The following SNX25 variants were observed in gnomAD, a reference collection of about 807,000 sequenced individuals.
The protein encoded by SNX25 is sorting nexin 25.
SNX25 carries 62 observed loss-of-function variants against 113.7 expected under a neutral mutation model. That is an observed-to-expected ratio of 0.55 (90% CI 0.44 to 0.67). The LOEUF is 0.67. SNX25 is among the 30% of genes least tolerant of loss of function. The pLI is 0.00. For missense variants in SNX25, 1,014 were observed against 1,161.0 expected (o/e 0.87, Z 1.84); for synonymous variants, 421 against 436.2 (o/e 0.97, Z 0.43).
In SNX25 at chr4:185,331,884, C is replaced by A. The variant is rs117284899; in HGVS notation, c.1750-711C>A. Among the ~76,000 whole-genome samples, 942 of 152,234 alleles carry A rather than the reference C, an allele frequency of 6.2e-3. 14 individuals are homozygous for A. The highest frequency in any genetic ancestry group is 0.049 in the South Asian group (238 of 4,824). On this transcript the variant is annotated intron_variant, in intron 9 of 18. Transcript: ENST00000652585. The stretch of plus-strand genomic sequence containing the variant: ...TTTAATTTACTGTTTGTTACAATTA[C>A]GAAAAGCTGGAACAAGAAAACCTGG...
intron 5 of SNX25, among the ~76,000 whole-genome samples, chr4:185,283,604 C>A (rs1169645416): frequency 6.6e-6 from 1 of 151,814 alleles, no homozygotes; most frequent in Non-Finnish European, 1.5e-5. Context: ...TAAGTATTAA[C>A]CTATATTGTA....
intron 7 of SNX25, among the ~76,000 whole-genome samples, chr4:185,311,455 A>G (rs1396872891): frequency 1.3e-5 from 2 of 152,206 alleles, no homozygotes; most frequent in Non-Finnish European, 2.9e-5. Context: ...GCCCTACCTC[A>G]GTACCTGTCC....
chr4:185,338,010 A>G (rs2095240625), intron 10 of SNX25, among the ~76,000 whole-genome samples: 1 of 152,104 alleles, frequency 6.6e-6, no homozygotes, highest in South Asian at 2.1e-4. Context: ...GCATTTTTAA[A>G]TTGGGTTGTT....
At chr4:185,316,655 C>T (rs1031417760) in intron 7 of SNX25, among the ~76,000 whole-genome samples, 1 of 152,138 alleles carries the variant, frequency 6.6e-6, no homozygotes, top group Non-Finnish European at 1.5e-5. Context: ...TTCTTTAAGG[C>T]CAATTTACAT....
rs1313487102 is a variant in SNX25 at position 185,232,431 on chromosome 4, T to G, written c.430-14863T>G. On this transcript the variant is annotated intron_variant, in intron 1 of 18. Transcript: ENST00000652585. This position sits in a 1 kb window ranked among gnomAD's most constrained non-coding sequence, Gnocchi z 4.4. ...TTCCCTTTTATGGGCCGACCCCTCC[T>G]CTGCATCCTGTTTGCTTATCATGAC... is the stretch of plus-strand genomic sequence containing the variant. 2.6e-5 allele frequency among the ~76,000 whole-genome samples: 4 copies of G among 152,190 alleles called. No homozygotes were observed. Among genetic ancestry groups the G allele is most frequent in the African/African-American group, 9.7e-5 (4 of 41,446 alleles).
intron 12 of SNX25, among the ~76,000 whole-genome samples, chr4:185,343,433 C>G (rs920577339): frequency 6.6e-6 from 1 of 152,090 alleles, no homozygotes; most frequent in South Asian, 2.1e-4. Context: ...TATGTATGTG[C>G]ATTATGGATT....
intron 3 of SNX25, among the ~76,000 whole-genome samples, chr4:185,264,225 T>C (rs559253831): frequency 1.3e-5 from 2 of 152,342 alleles, no homozygotes; most frequent in Admixed American, 6.5e-5. Context: ...TTCGTTGTTA[T>C]GATTTCATTT....
intron 15 of SNX25, among the ~76,000 whole-genome samples, chr4:185,354,776 CA>C (rs2095331739): frequency 6.6e-6 from 1 of 152,248 alleles, no homozygotes; most frequent in African/African-American, 2.4e-5. Flanking sequence ...CAGCTCCCAA[CA>C]CTCTAAATCT....
At chr4:185,259,176 T>A in intron 3 of SNX25, 112 bp downstream of exon 3, 1 of 877,442 alleles carries the variant, frequency 1.1e-6, no homozygotes, top group Non-Finnish European at 1.7e-6. Flanking sequence ...TGGCACTTGC[T>A]TGAAAATGTA....
At chr4:185,264,327 G>A in intron 3 of SNX25, 111 bp from the exon 4 acceptor site, 1 of 1,017,084 alleles carries the variant, frequency 9.8e-7, no homozygotes, top group Admixed American at 2.4e-5. Flanking sequence ...TTTAGGAGAT[G>A]GCAGTTACTA....
chr4:185,219,010 T>C (rs1427096474), intron 1 of SNX25, among the ~76,000 whole-genome samples: 4 of 152,134 alleles, frequency 2.6e-5, no homozygotes, highest in Non-Finnish European at 5.9e-5. Flanking sequence ...TCCCATGTAT[T>C]TGGGGATAAT....
rs1326902850 is a variant in SNX25, at chr4:185,209,812, G to T, written c.-15G>T. Reference sequence around the variant, plus strand: ...GGCAGGAGATGTGCCTGTCCTTAGCGGCCCAGGAAGCAGCATGCACCCCGA... The same window carrying T: ...GGCAGGAGATGTGCCTGTCCTTAGCTGCCCAGGAAGCAGCATGCACCCCGA... On this transcript the variant is annotated 5_prime_UTR_variant, in exon 1 of 19. Coordinates refer to ENST00000652585, the MANE Select transcript of SNX25 (RefSeq NM_001378034.2). The surrounding 1 kb of genome is among the most constrained non-coding windows in gnomAD (Gnocchi z 5.2). 1 of 983,614 alleles carries T rather than the reference G, an allele frequency of 1.0e-6. No individual in the cohort carries two copies. The highest frequency in any genetic ancestry group is 1.2e-6 in the Non-Finnish European group (1 of 829,328). 60.9% of individuals were successfully genotyped at this position (983,614 alleles called of 1,614,324 possible). A position where few individuals can be genotyped will look rare whatever the true frequency, so the allele number is the denominator to read the frequency against.
chr4:185,241,572 G>T (rs1416882634), intron 1 of SNX25, among the ~76,000 whole-genome samples: 1 of 147,376 alleles, frequency 6.8e-6, no homozygotes, highest in Non-Finnish European at 1.5e-5. Flanking sequence ...AGAGGGAGAG[G>T]AGGGAGAGGG....
At chr4:185,363,980 T>C (rs954741030), downstream of SNX25, 1 of 153,358 alleles carries the variant, frequency 6.5e-6, no homozygotes, top group East Asian at 1.9e-4. The surrounding 1 kb of genome is among the most constrained non-coding windows in gnomAD (Gnocchi z 4.2). Context: ...CAGTGCTCTA[T>C]GATATTTAAG....
At chr4:185,280,086 C>T (rs538081099) in intron 5 of SNX25, among the ~76,000 whole-genome samples, 144 of 152,158 alleles carry the variant, frequency 9.5e-4, no homozygotes, top group Non-Finnish European at 1.7e-3. Flanking sequence ...CATGCCACCA[C>T]GCCAGGATAA....
At chr4:185,224,616 T>C (rs1396114371) in intron 1 of SNX25, among the ~76,000 whole-genome samples, 2 of 145,914 alleles carry the variant, frequency 1.4e-5, no homozygotes, top group African/African-American at 2.5e-5. Flanking sequence ...TATATAGATA[T>C]ATAAATTTAT....
At chr4:185,287,631 A>G (rs1177635460) in intron 5 of SNX25, among the ~76,000 whole-genome samples, 1 of 152,268 alleles carries the variant, frequency 6.6e-6, no homozygotes, top group Non-Finnish European at 1.5e-5. Context: ...GGATAGCCAC[A>G]TGTAGCTCAT....
At chr4:185,229,741 G>C (rs139221553) in intron 1 of SNX25, among the ~76,000 whole-genome samples, 3 of 152,176 alleles carry the variant, frequency 2.0e-5, no homozygotes, top group Non-Finnish European at 4.4e-5. Flanking sequence ...TTTTAACCAT[G>C]TTAAATTTCC....
chr4:185,309,574 C>A (rs1754958350), intron 6 of SNX25, among the ~76,000 whole-genome samples: 1 of 152,094 alleles, frequency 6.6e-6, no homozygotes, highest in Non-Finnish European at 1.5e-5. Flanking sequence ...ATGTTGGAAA[C>A]CTAGGAGCCA....
Sources: gnomAD v4.1 joint callset for allele counts (sites outside exome capture counted in the v4.1 genomes callset) on GRCh38, gnomAD v4.1.1 for gene constraint, Gnocchi (gnomAD v3.1) non-coding constraint, MANE v1.5 for transcripts, NCBI Gene and HGNC (gene_info 2026-07-23, HGNC 2026-07-21) for gene names.